Variants in MDGA2 observed in about 807,000 individuals in gnomAD.
The protein encoded by MDGA2 is MAM domain-containing glycosylphosphatidylinositol anchor protein 2.
MDGA2 carries 40 observed loss-of-function variants against 117.8 expected under a neutral mutation model. The observed-to-expected ratio is 0.34, with a 90% CI of 0.26 to 0.44. MDGA2 has a LOEUF of 0.44. Ranked by LOEUF, MDGA2 falls within the 20% of genes least tolerant of loss-of-function variation. The pLI is 1.00. For synonymous variants in MDGA2, 452 were observed against 439.0 expected (o/e 1.03, Z -0.37); for missense variants, 1,123 against 1,250.6 (o/e 0.90, Z 1.54).
At position 47,337,210 on chromosome 14, in the gene MDGA2, A is replaced by G. The variant is rs528569797; in HGVS notation, c.281-35660T>C. Reference sequence around the variant, plus strand: ...GTTTCTCATAGAAATTACCAATGACATAAAGTAATAAATTCAAGGAAGGTA... The same window carrying G: ...GTTTCTCATAGAAATTACCAATGACGTAAAGTAATAAATTCAAGGAAGGTA... On this transcript the variant is annotated intron_variant, in intron 1 of 16. Transcript: ENST00000399232. 2.1e-3 allele frequency among the ~76,000 whole-genome samples: 325 copies of G among 152,194 alleles called. 3 individuals carry two copies. Among genetic ancestry groups the G allele is most frequent in the African/African-American group, 7.4e-3 (309 of 41,542 alleles).
chr14:47,065,269 A>C (rs948394897), intron 6 of MDGA2, among the ~76,000 whole-genome samples: 1 of 152,174 alleles, frequency 6.6e-6, no homozygotes, highest in Non-Finnish European at 1.5e-5. Flanking sequence ...TATACTTGCA[A>C]GGACATTCTA....
chr14:47,154,300 C>T (rs1293637040), intron 3 of MDGA2, among the ~76,000 whole-genome samples: 1 of 152,112 alleles, frequency 6.6e-6, no homozygotes, highest in Non-Finnish European at 1.5e-5. Context: ...AGCAGTGGCC[C>T]CATTTGGAGT....
chr14:47,478,983 C>T (rs938932685), intron 1 of MDGA2, among the ~76,000 whole-genome samples: 5 of 152,122 alleles, frequency 3.3e-5, no homozygotes, highest in Non-Finnish European at 4.4e-5. Flanking sequence ...ATCCACAATG[C>T]TTATTTTAAA....
intron 1 of MDGA2, among the ~76,000 whole-genome samples, chr14:47,606,804 C>T (rs1245039660): frequency 6.6e-6 from 1 of 152,104 alleles, no homozygotes; most frequent in African/African-American, 2.4e-5. Context: ...TGAAATGCCT[C>T]GCTCCATGAA....
rs568836285 is a variant in MDGA2 at position 47,320,956 on chromosome 14, G to T, written c.281-19406C>A. On this transcript the variant is annotated intron_variant, in intron 1 of 16. Coordinates refer to ENST00000399232, the MANE Select transcript of MDGA2 (RefSeq NM_001113498.3). ...GAACCAAAATCTTATAAGAGATTAT[G>T]GGTAAAGAAGACATGAGCAAGGGCT... Among the ~76,000 whole-genome samples, 389 of 152,268 alleles carry T rather than the reference G, an allele frequency of 2.6e-3. 2 individuals are homozygous for T. The highest frequency in any genetic ancestry group is 9.1e-3 in the African/African-American group (380 of 41,556).
chr14:47,229,434 T>C (rs1300989333), intron 2 of MDGA2, among the ~76,000 whole-genome samples: 1 of 152,132 alleles, frequency 6.6e-6, no homozygotes, highest in Non-Finnish European at 1.5e-5. Flanking sequence ...TGCTTATCTT[T>C]AGTTATTATT....
intron 8 of MDGA2, among the ~76,000 whole-genome samples, chr14:47,021,988 C>T (rs917351643): frequency 6.6e-6 from 1 of 152,064 alleles, no homozygotes; most frequent in Non-Finnish European, 1.5e-5. Context: ...GGTTGAATTG[C>T]AGTATCAAAA....
At chr14:47,214,593 C>T (rs116249576) in intron 3 of MDGA2, among the ~76,000 whole-genome samples, 3,123 of 152,074 alleles carry the variant, frequency 0.021, 121 homozygotes, top group African/African-American at 0.069. Context: ...AATAAAGATA[C>T]ATAAACTTTC....
intron 5 of MDGA2, among the ~76,000 whole-genome samples, chr14:47,131,274 T>C (rs1002017550): frequency 5.9e-5 from 9 of 152,074 alleles, no homozygotes; most frequent in African/African-American, 2.2e-4. Context: ...AAAAATATTG[T>C]TCTAAAAACA....
chr14:47,602,929 G>A (rs889813573), intron 1 of MDGA2, among the ~76,000 whole-genome samples: 7 of 152,128 alleles, frequency 4.6e-5, no homozygotes, highest in Non-Finnish European at 8.8e-5. Flanking sequence ...TACTTGGTAC[G>A]TCTGAATGGC....
chr14:47,141,190 T>C (rs897666267), intron 4 of MDGA2, among the ~76,000 whole-genome samples: 2 of 152,114 alleles, frequency 1.3e-5, no homozygotes, highest in Non-Finnish European at 2.9e-5. Flanking sequence ...TTATACACTG[T>C]TGGCGGGAAT....
At chr14:47,207,928 C>A (rs1225359714) in intron 3 of MDGA2, among the ~76,000 whole-genome samples, 1 of 151,944 alleles carries the variant, frequency 6.6e-6, no homozygotes, top group Non-Finnish European at 1.5e-5. Flanking sequence ...GTTTCAGAAG[C>A]TAAGACGTAT....
chr14:47,554,755 C>CT (rs1895652510), intron 1 of MDGA2, among the ~76,000 whole-genome samples: 1 of 152,164 alleles, frequency 6.6e-6, no homozygotes, highest in African/African-American at 2.4e-5. Context: ...AATACAGAGT[C>CT]TTAGAAGACT....
chr14:47,102,877 G>A (rs1039745929), intron 5 of MDGA2, among the ~76,000 whole-genome samples: 1 of 152,162 alleles, frequency 6.6e-6, no homozygotes, highest in Non-Finnish European at 1.5e-5. Flanking sequence ...GCAACCTCCA[G>A]GCCAGGACAG....
chr14:47,441,883 T>G (rs1475403345), intron 1 of MDGA2, among the ~76,000 whole-genome samples: 1 of 152,182 alleles, frequency 6.6e-6, no homozygotes, highest in African/African-American at 2.4e-5. Flanking sequence ...CAATGTATCT[T>G]GGGATAGAAT....
intron 5 of MDGA2, among the ~76,000 whole-genome samples, chr14:47,105,975 CCGACT>C (rs1166804750): frequency 3.3e-3 from 4 of 1,202 alleles, no homozygotes; most frequent in East Asian, 0.12. Context: ...CCGTGACTAG[CCGACT>C]AGCCCTCCCC....
chr14:46,928,433 A>T (rs140526582), intron 9 of MDGA2, among the ~76,000 whole-genome samples: 1 of 152,274 alleles, frequency 6.6e-6, no homozygotes, highest in African/African-American at 2.4e-5. Flanking sequence ...TTGCATTTAT[A>T]GATTCATCTT....
rs776294085 is a variant in MDGA2, at chr14:47,338,325, C to T, written c.281-36775G>A. On this transcript the variant is annotated intron_variant, in intron 1 of 16. Coordinates refer to ENST00000399232, the MANE Select transcript of MDGA2 (RefSeq NM_001113498.3). ...TTAAATATGTAGCCTCTGAAGAACT[C>T]TATTATGCCACGGGAGAGAAGAAAC... is the stretch of plus-strand genomic sequence containing the variant. 1.6e-4 allele frequency among the ~76,000 whole-genome samples: 25 copies of T among 151,812 alleles called. No individual in the cohort carries two copies. The Middle Eastern group carries it at 0.01, about 62-fold the overall frequency.
intron 8 of MDGA2, among the ~76,000 whole-genome samples, chr14:46,994,771 A>G (rs1471557459): frequency 6.6e-6 from 1 of 152,194 alleles, no homozygotes; most frequent in East Asian, 1.9e-4. Context: ...AAGCTTCTAA[A>G]ATTGAAAATA....
Sources: gnomAD v4.1 joint callset for allele counts (sites outside exome capture counted in the v4.1 genomes callset) on GRCh38, gnomAD v4.1.1 for gene constraint, MANE v1.5 for transcripts, NCBI Gene and HGNC (gene_info 2026-07-23, HGNC 2026-07-21) for gene names.